HS6ST3: variants seen among roughly 807,000 people sequenced by gnomAD.
HS6ST3 encodes the protein heparan sulfate 6-O-sulfotransferase 3, also known as heparan-sulfate 6-O-sulfotransferase 3.
HS6ST3 carries 12 observed loss-of-function variants against 36.7 expected under a neutral mutation model. The observed-to-expected ratio is 0.33, with a 90% confidence interval of 0.21 to 0.53. The LOEUF (loss-of-function observed/expected upper bound fraction) is 0.53. Among genes scored for constraint, HS6ST3 ranks in the 20% least tolerant of loss-of-function variants. The pLI is 0.95. For synonymous variants in HS6ST3, 240 were observed against 257.5 expected, an observed-to-expected ratio of 0.93 and a Z score of 0.65; for missense variants, 584 against 640.9, an observed-to-expected ratio of 0.91 and a Z score of 0.96.
chr13:96,426,257 G>A (rs571726904), intron 1 of HS6ST3, among the ~76,000 whole-genome samples: 4 of 152,122 alleles, frequency 2.6e-5, no homozygotes, highest in Middle Eastern at 3.4e-3. Context: ...TATATTGTTC[G>A]CACTGCCTCT....
chr13:96,724,372 C>T (rs993638208), intron 1 of HS6ST3, among the ~76,000 whole-genome samples: 1 of 152,136 alleles, frequency 6.6e-6, no homozygotes, highest in African/African-American at 2.4e-5. Flanking sequence ...GTATAATTGA[C>T]ACACAATAAC....
chr13:96,696,845 T>G (rs1296136092), intron 1 of HS6ST3, among the ~76,000 whole-genome samples: 29 of 152,066 alleles, frequency 1.9e-4, no homozygotes, highest in Admixed American at 1.9e-3. Context: ...GACAGGGAAC[T>G]CAAGACCTGC....
At chr13:96,239,041 G>T (rs1408655337) in intron 1 of HS6ST3, among the ~76,000 whole-genome samples, 2 of 152,166 alleles carry the variant, frequency 1.3e-5, no homozygotes, top group African/African-American at 4.8e-5. Context: ...CAATGATATG[G>T]ACTGAGGAAG....
intron 1 of HS6ST3, among the ~76,000 whole-genome samples, chr13:96,326,297 A>C (rs9556563): frequency 0.043 from 6,496 of 149,850 alleles, 160 homozygotes; most frequent in South Asian, 0.096. Flanking sequence ...ATTTAACATT[A>C]GGTATATCTC....
intron 1 of HS6ST3, among the ~76,000 whole-genome samples, chr13:96,177,884 T>C (rs938608679): frequency 1.3e-5 from 2 of 152,144 alleles, no homozygotes; most frequent in Non-Finnish European, 2.9e-5. Flanking sequence ...GTATGCTCCT[T>C]GTTTTGGAAC....
At chr13:96,771,961 T>C (rs1449141644) in intron 1 of HS6ST3, among the ~76,000 whole-genome samples, 1 of 151,772 alleles carries the variant, frequency 6.6e-6, no homozygotes, top group African/African-American at 2.4e-5. Context: ...CATGACAGAG[T>C]TTATGTTTCT....
chr13:96,822,509 G>A (rs1181904276), intron 1 of HS6ST3, among the ~76,000 whole-genome samples: 6 of 152,124 alleles, frequency 3.9e-5, no homozygotes, highest in African/African-American at 9.7e-5. Flanking sequence ...ACAACCACCC[G>A]AAAATCATGG....
chr13:96,498,256 A>G (rs2138910976), intron 1 of HS6ST3, among the ~76,000 whole-genome samples: 1 of 152,328 alleles, frequency 6.6e-6, no homozygotes, highest in African/African-American at 2.4e-5. Flanking sequence ...GGTGAGCCCA[A>G]ACTTTAGGCA....
At chr13:96,576,943 CAAAAAAAAAA>C (rs1157924077) in intron 1 of HS6ST3, among the ~76,000 whole-genome samples, 3 of 26,850 alleles carry the variant, frequency 1.1e-4, no homozygotes, top group Admixed American at 5.0e-4. Context: ...GACTCTGTCT[CAAAAAAAAAA>C]AAAAAAAAAA....
intron 1 of HS6ST3, among the ~76,000 whole-genome samples, chr13:96,769,734 CTGTGTGTG>C (rs66777701): frequency 0.12 from 16,308 of 140,176 alleles, 1,159 homozygotes; most frequent in East Asian, 0.29. Context: ...ATTCCTAGCT[CTGTGTGTG>C]TGTGTGTGTG....
At position 96,254,458 on chromosome 13, in the gene HS6ST3, T is replaced by A. The variant is rs1306778838; in HGVS notation, c.707+162889T>A. Among the ~76,000 whole-genome samples, 17 of 2,938 alleles carry A rather than the reference T, an allele frequency of 5.8e-3. 3 individuals are homozygous for A. The highest frequency in any genetic ancestry group is 6.3e-3 in the Admixed American group (1 of 158). 1.9% of individuals were successfully genotyped at this position (2,938 alleles called of 152,430 possible). ...AAAAAAAAAAAAAAAAATATATATA[T>A]ATATATATATATATATATATATATA... On this transcript the variant is annotated intron_variant, in intron 1 of 1. Transcript: ENST00000376705.
At chr13:96,472,155 C>T (rs1198918663) in intron 1 of HS6ST3, among the ~76,000 whole-genome samples, 1 of 152,216 alleles carries the variant, frequency 6.6e-6, no homozygotes, top group Non-Finnish European at 1.5e-5. Context: ...TATTCTATTG[C>T]AAGTTCCTCT....
At chr13:96,411,194 AC>A (rs1226966493) in intron 1 of HS6ST3, among the ~76,000 whole-genome samples, 1 of 152,104 alleles carries the variant, frequency 6.6e-6, no homozygotes, top group African/African-American at 2.4e-5. Flanking sequence ...GAAAGGAATA[AC>A]CTCTTAGCCA....
At chr13:96,761,352 A>G (rs1876966872) in intron 1 of HS6ST3, among the ~76,000 whole-genome samples, 1 of 151,748 alleles carries the variant, frequency 6.6e-6, no homozygotes, top group African/African-American at 2.4e-5. Context: ...GTAATTTTAT[A>G]ATTTCATTGG....
intron 1 of HS6ST3, among the ~76,000 whole-genome samples, chr13:96,140,303 T>G (rs1347834783): frequency 6.6e-6 from 1 of 152,230 alleles, no homozygotes; most frequent in African/African-American, 2.4e-5. Flanking sequence ...CCACCTTCTA[T>G]GGCTATTGCA....
rs74876772 is a variant in HS6ST3 at position 96,822,579 on chromosome 13, G to T, written c.708-9911G>T. 3.3e-4 allele frequency among the ~76,000 whole-genome samples: 51 copies of T among 152,322 alleles called. 1 individual carries two copies. The highest frequency in any genetic ancestry group is 1.1e-3 in the African/African-American group (47 of 41,582). Reference sequence around the variant, plus strand: ...TCAATATAAGGCAGCGACGTGACAAGATTTGAAATTTCCTCTTATTGATAA... The same window carrying T: ...TCAATATAAGGCAGCGACGTGACAATATTTGAAATTTCCTCTTATTGATAA... On this transcript the variant is annotated intron_variant, in intron 1 of 1. Transcript: ENST00000376705.
At chr13:96,304,131 A>AGG (rs1003290820) in intron 1 of HS6ST3, among the ~76,000 whole-genome samples, 1 of 140,224 alleles carries the variant, frequency 7.1e-6, no homozygotes, top group Admixed American at 7.0e-5. Flanking sequence ...GGTCAGAGAG[A>AGG]GACTCCATCT....
intron 1 of HS6ST3, among the ~76,000 whole-genome samples, chr13:96,635,890 G>T (rs550414903): frequency 1.3e-5 from 2 of 152,046 alleles, no homozygotes; most frequent in Admixed American, 6.6e-5. Flanking sequence ...AATACTACAC[G>T]CAGGGTATAG....
chr13:96,617,084 T>A (rs968693014), intron 1 of HS6ST3, among the ~76,000 whole-genome samples: 1 of 152,246 alleles, frequency 6.6e-6, no homozygotes, highest in Admixed American at 6.5e-5. Flanking sequence ...TTTTGTAGTA[T>A]GTCATGGAGA....
Sources: gnomAD v4.1 joint callset for allele counts (sites outside exome capture counted in the v4.1 genomes callset) on GRCh38, gnomAD v4.1.1 for gene constraint, MANE v1.5 for transcripts, NCBI Gene and HGNC (gene_info 2026-07-23, HGNC 2026-07-21) for gene names.